Variants in ZZEF1 observed in about 807,000 individuals in gnomAD.
ZZEF1 encodes zinc finger ZZ-type and EF-hand domain containing 1.
Under a neutral mutation model 342.8 loss-of-function variants are expected in ZZEF1, and 157 were observed. That is an observed-to-expected ratio of 0.46 (90% CI 0.40 to 0.52). The LOEUF is 0.52. Among genes scored for constraint, ZZEF1 ranks in the 20% least tolerant of loss-of-function variants. The pLI is 0.00. For missense variants in ZZEF1, 3,480 were observed against 3,725.6 expected (o/e 0.93, Z 1.72); for synonymous variants, 1,505 against 1,429.1 (o/e 1.05, Z -1.20).
Position 4,014,456 on chromosome 17 carries a change from G to A in ZZEF1, c.8205C>T (p.Asn2735=). The change falls in exon 50 of 55, where the codon AAC becomes AAT. Residue 2735 remains asparagine, a synonymous_variant. Transcript: ENST00000381638. The surrounding 1 kb of genome is among the most constrained non-coding windows in gnomAD (Gnocchi z 4.4). ...YLSIKFDSQC[N]TEEGCDELAM... ...CTAACTCGTCACAGCCCTCCTCTGT[G>A]TTGCACTGAGAGTCGAATTTGATTG... 3 of 1,614,228 alleles carry A rather than the reference G, an allele frequency of 1.9e-6. No homozygotes were observed. Among genetic ancestry groups the A allele is most frequent in the Middle Eastern group, 1.6e-4 (1 of 6,062 alleles).
intron 28 of ZZEF1, among the ~76,000 whole-genome samples, chr17:4,066,062 T>C (rs1201288426): frequency 6.6e-6 from 1 of 151,984 alleles, no homozygotes; most frequent in African/African-American, 2.4e-5. Flanking sequence ...AGCTACCCGG[T>C]AGGCTAAGGC....
chr17:4,072,920 C>T (rs2057539138), intron 24 of ZZEF1, 164 bp from the exon 25 acceptor site: 1 of 653,374 alleles, frequency 1.5e-6, no homozygotes, highest in Admixed American at 3.4e-5. Context: ...TAAACACATA[C>T]CACAGATTAA....
intron 2 of ZZEF1, among the ~76,000 whole-genome samples, chr17:4,118,834 C>T (rs1184784974): frequency 6.6e-6 from 1 of 152,188 alleles, no homozygotes; most frequent in Non-Finnish European, 1.5e-5. Context: ...TTATTTCAGA[C>T]TTATTTCCCA....
chr17:4,104,576 T>G (rs2058179075), intron 8 of ZZEF1, 57 bp downstream of exon 8: 6 of 1,583,712 alleles, frequency 3.8e-6, no homozygotes, highest in Non-Finnish European at 5.2e-6. Context: ...CGAAGAATGG[T>G]TTTACGATTT....
At chr17:4,123,189 G>A (rs1327011844) in intron 2 of ZZEF1, among the ~76,000 whole-genome samples, 1 of 144,482 alleles carries the variant, frequency 6.9e-6, no homozygotes, top group Non-Finnish European at 1.5e-5. Flanking sequence ...CAAAGTGCTG[G>A]GATTACAGGC....
At position 4,024,955 on chromosome 17, in the gene ZZEF1, C is replaced by T; in HGVS notation, c.7056G>A (p.Leu2352=). 6.2e-7 allele frequency: 1 copy of T among 1,614,184 alleles called. No homozygotes were observed. The highest frequency in any genetic ancestry group is 8.5e-7 in the Non-Finnish European group (1 of 1,180,028). Residue 2352 remains leucine (L), a synonymous_variant, in exon 43 of 55, where the codon CTG becomes CTA. Coordinates refer to ENST00000381638, the MANE Select transcript of ZZEF1 (RefSeq NM_015113.4). The stretch of plus-strand genomic sequence containing the variant: ...TATACAATCCTTTCAGGGCCAGGGA[C>T]AGGACCCAAGTTGCTTCTACTGCCT... ...CPEAVEATWV[L]SLALKGLYKT...
chr17:4,013,138 C>T (rs1048498097), intron 52 of ZZEF1, among the ~76,000 whole-genome samples: 1 of 148,328 alleles, frequency 6.7e-6, no homozygotes, highest in Non-Finnish European at 1.5e-5. Flanking sequence ...CCGAATGGAA[C>T]AAAACTGACT....
At chr17:4,092,211 AT>A (rs1243781970) in intron 11 of ZZEF1, among the ~76,000 whole-genome samples, 8 of 151,682 alleles carry the variant, frequency 5.3e-5, no homozygotes, top group Admixed American at 3.3e-4. Flanking sequence ...ACACATTAGT[AT>A]TTTATATAGG....
chr17:4,092,034 C>T (rs1440085296), intron 11 of ZZEF1, among the ~76,000 whole-genome samples: 2 of 149,976 alleles, frequency 1.3e-5, no homozygotes, highest in Non-Finnish European at 3.0e-5. Context: ...CAAGATCGTG[C>T]CACTGCACTC....
At chr17:4,033,118 C>A (rs2056585350) in intron 40 of ZZEF1, 116 bp from the exon 41 acceptor site, 3 of 969,808 alleles carry the variant, frequency 3.1e-6, no homozygotes, top group Non-Finnish European at 4.4e-6. Context: ...CATTAACTAG[C>A]TTAAAAACTA....
intron 16 of ZZEF1, 88 bp downstream of exon 16, chr17:4,085,582 C>T: frequency 6.5e-7 from 1 of 1,535,758 alleles, no homozygotes; most frequent in Non-Finnish European, 8.9e-7. Flanking sequence ...GACGTTGCAA[C>T]AGACGATATA....
At chr17:4,037,419 A>G (rs1428975752) in intron 39 of ZZEF1, among the ~76,000 whole-genome samples, 2 of 152,246 alleles carry the variant, frequency 1.3e-5, no homozygotes, top group Admixed American at 6.5e-5. Context: ...AATTATGAGG[A>G]GACATCTGAT....
At position 4,009,257 on chromosome 17, in the gene ZZEF1, C is replaced by T. The variant is rs186971233; in HGVS notation, c.8734-303G>A. On this transcript the variant is annotated intron_variant, in intron 53 of 54. Transcript: ENST00000381638. ...GAACTCTGAAAGGCCCTTTCAGCTC[C>T]CACATTCAATCAGTCTATTGTGCTG... is the stretch of plus-strand genomic sequence containing the variant. 6 of 558,808 alleles carry T rather than the reference C, an allele frequency of 1.1e-5. No individual in the cohort carries two copies. The African/African-American group carries it at 1.1e-4, about 10-fold the overall frequency. 34.6% of individuals were successfully genotyped at this position (558,808 alleles called of 1,614,324 possible).
chr17:4,013,554 G>A lies in ZZEF1; in HGVS notation c.8474C>T (p.Ala2825Val). 6.2e-7 allele frequency: 1 copy of A among 1,614,070 alleles called. No homozygotes were observed. ...EERVVPHLPL[A>V]KIWEWLVGVA... is the part of the protein sequence containing the mutation. ...GCCCACCAGCCATTCCCAAATTTTT[G>A]CCAATGGGAGATGAGGCACGACCCT... The change falls in exon 52 of 55, where the codon GCA (alanine) becomes GTA (valine). Residue 2825 changes from alanine to valine, a missense_variant. Around this residue, in one of 5 missense-constraint regions of ZZEF1, gnomAD observed 1,269 missense variants for 1,342.4 expected, o/e 0.95. Coordinates refer to ENST00000381638, the MANE Select transcript of ZZEF1 (RefSeq NM_015113.4).
intron 38 of ZZEF1, 49 bp downstream of exon 38, chr17:4,044,175 G>A: frequency 6.3e-7 from 1 of 1,598,704 alleles, no homozygotes; most frequent in South Asian, 1.1e-5. Flanking sequence ...ATGGGTATAT[G>A]TGCATTTTAA....
chr17:4,131,568 CA>C (rs1014389003), intron 1 of ZZEF1, among the ~76,000 whole-genome samples: 11 of 151,768 alleles, frequency 7.2e-5, no homozygotes, highest in Admixed American at 7.2e-4. Context: ...TGCATGAGTC[CA>C]GGAGTTCAAG....
intron 26 of ZZEF1, among the ~76,000 whole-genome samples, chr17:4,069,095 T>C (rs1164489463): frequency 6.6e-6 from 1 of 152,230 alleles, no homozygotes; most frequent in Non-Finnish European, 1.5e-5. Context: ...GTTCCCACAG[T>C]TGACTGTGTG....
chr17:4,054,680 C>T (rs1334322643), intron 33 of ZZEF1, among the ~76,000 whole-genome samples: 3 of 152,158 alleles, frequency 2.0e-5, no homozygotes, highest in African/African-American at 7.2e-5. Context: ...AAAGGTTAAA[C>T]CACAAAGGGC....
At chr17:4,057,680 G>A (rs756029369) in intron 32 of ZZEF1, among the ~76,000 whole-genome samples, 7 of 152,124 alleles carry the variant, frequency 4.6e-5, no homozygotes, top group Non-Finnish European at 8.8e-5. Context: ...CAGAGCTCAC[G>A]AGTTCACCAC....
Sources: allele counts gnomAD v4.1 joint callset (sites outside exome capture counted in the v4.1 genomes callset), GRCh38; gene constraint gnomAD v4.1.1; regional missense constraint gnomAD v4.1.1; non-coding constraint Gnocchi (gnomAD v3.1); transcripts MANE v1.5; gene names NCBI Gene and HGNC (gene_info 2026-07-23, HGNC 2026-07-21).